CUL9: variants seen among roughly 807,000 people sequenced by gnomAD.
CUL9 encodes the protein cullin-9.
CUL9 carries 79 observed loss-of-function variants against 272.6 expected under a neutral mutation model. The ratio of observed to expected loss-of-function variants is 0.29; its 90% CI spans 0.24 to 0.35. The LOEUF (loss-of-function observed/expected upper bound fraction) is 0.35, where lower values mean the gene tolerates loss of function less well. Among genes scored for constraint, CUL9 ranks in the 10% least tolerant of loss-of-function variants. The pLI is 1.00. For synonymous variants in CUL9, 1,186 were observed against 1,286.5 expected, an observed-to-expected ratio of 0.92 and a Z score of 1.67; for missense variants, 2,532 against 3,255.6, an observed-to-expected ratio of 0.78 and a Z score of 5.41.
Position 43,223,137 on chromosome 6 carries a change from T to C in CUL9, c.7151-127T>C, listed in dbSNP as rs1776508684. On this transcript the variant is annotated intron_variant, in intron 38 of 40. Transcript: ENST00000252050. The surrounding 1 kb of genome is among the most constrained non-coding windows in gnomAD (Gnocchi z 4.1). ...GTTTCTGGTCTTTACCCTGCTCCCC[T>C]AGGGAGCTTCATGAGAATGTCTAGA... 7.5e-7 allele frequency: 1 copy of C among 1,330,640 alleles called. No individual in the cohort carries two copies. The highest frequency in any genetic ancestry group is 1.5e-5 in the African/African-American group (1 of 67,734). The allele number at this position is 1,330,640 out of a possible 1,614,324, so 82.4% of individuals were successfully genotyped here.
intron 16 of CUL9, among the ~76,000 whole-genome samples, chr6:43,202,169 A>T (rs1388457844): frequency 6.6e-6 from 1 of 152,160 alleles, no homozygotes; most frequent in Non-Finnish European, 1.5e-5. Flanking sequence ...TTGAGTACTG[A>T]GTGCACGGAA....
Position 43,186,348 on chromosome 6 carries a change from A to G in CUL9, c.1144A>G (p.Thr382Ala), listed in dbSNP as rs761507783. 2 of 1,614,184 alleles carry G rather than the reference A, an allele frequency of 1.2e-6. No individual in the cohort carries two copies. Among genetic ancestry groups the G allele is most frequent in the Non-Finnish European group, 1.7e-6 (2 of 1,179,986 alleles). ...TGGCTATGGAGAATATGTGCAGCAG[A>G]CACTGCAGCCAGGGATGCGAGTGCG... ...RSGYGEYVQQTLQPGMRVRML... is the reference protein window; with the variant it reads ...RSGYGEYVQQALQPGMRVRML... Residue 382 changes from threonine to alanine, a missense_variant, in exon 4 of 41, where the codon ACA (threonine) becomes GCA (alanine). Around this residue, in one of 3 missense-constraint regions of CUL9, gnomAD observed 2,218 missense variants for 2,788.6 expected, o/e 0.80. Coordinates refer to ENST00000252050, the MANE Select transcript of CUL9 (RefSeq NM_015089.4).
At position 43,196,113 on chromosome 6, in the gene CUL9, T is replaced by G. The variant is rs536254119; in HGVS notation, c.2433T>G (p.Thr811=). Residue 811 remains threonine, a synonymous_variant, in exon 10 of 41, where the codon ACT becomes ACG. Coordinates refer to ENST00000252050, the MANE Select transcript of CUL9 (RefSeq NM_015089.4). ...LAVASSSEIP[T]FVTGRDSIHS... ...TCGCCAGCTCCTCGGAGATCCCCAC[T>G]TTTGTTACTGGCCGAGATTCTATCC... is the stretch of plus-strand genomic sequence containing the variant. 5 of 1,614,092 alleles carry G rather than the reference T, an allele frequency of 3.1e-6. No individual in the cohort carries two copies. The East Asian group carries it at 8.9e-5, about 29-fold the overall frequency.
At chr6:43,211,178 A>T (rs1283368360) in intron 26 of CUL9, among the ~76,000 whole-genome samples, 1 of 152,100 alleles carries the variant, frequency 6.6e-6, no homozygotes, top group Non-Finnish European at 1.5e-5. Flanking sequence ...TTATTCAGGG[A>T]TATTTACATT....
At chr6:43,183,952 T>C (rs1222391385) in intron 1 of CUL9, among the ~76,000 whole-genome samples, 2 of 152,088 alleles carry the variant, frequency 1.3e-5, no homozygotes, top group East Asian at 1.9e-4. Flanking sequence ...GGGGTTTCAC[T>C]ATGTTGACCA....
rs1349250917 is a variant in CUL9, at chr6:43,222,003, A to G, written c.6846+225A>G. ...CAGGACTTCTCATACCGAGGTGGCTACAGAAAGGCTGGGGAGGGCTGGGCA... is the reference window on the plus strand; with the variant it reads ...CAGGACTTCTCATACCGAGGTGGCTGCAGAAAGGCTGGGGAGGGCTGGGCA... On this transcript the variant is annotated intron_variant, in intron 35 of 40. Transcript: ENST00000252050. The G allele has an allele frequency of 5.0e-6, 3 of 595,816 alleles. No individual in the cohort carries two copies. The African/African-American group carries it at 5.6e-5, about 11-fold the overall frequency. The allele number at this position is 595,816 out of a possible 1,614,324, so 36.9% of individuals were successfully genotyped here.
Position 43,223,062 on chromosome 6 carries a change from G to T in CUL9, c.7150+166G>T. On this transcript the variant is annotated intron_variant, in intron 38 of 40. Coordinates refer to ENST00000252050, the MANE Select transcript of CUL9 (RefSeq NM_015089.4). The surrounding 1 kb of genome is among the most constrained non-coding windows in gnomAD (Gnocchi z 4.1). ...CTGGCTGTTAAAGCTCAGGTCGAAA[G>T]CCTACATTGTAAGGTGCCCAAGGGC... 1.1e-6 allele frequency: 1 copy of T among 909,202 alleles called. No homozygotes were observed. Among genetic ancestry groups the T allele is most frequent in the Admixed American group, 2.7e-5 (1 of 37,376 alleles). The allele number at this position is 909,202 out of a possible 1,614,324, so 56.3% of individuals were successfully genotyped here. A position where few individuals can be genotyped will look rare whatever the true frequency, so the allele number is the denominator to read the frequency against.
At chr6:43,204,164 A>G (rs1774861410) in intron 20 of CUL9, 177 bp downstream of exon 20, 2 of 1,049,524 alleles carry the variant, frequency 1.9e-6, no homozygotes, top group East Asian at 5.2e-5. Flanking sequence ...TGGTATTTGA[A>G]TCTTTCCCAC....
chr6:43,221,453 G>T lies in CUL9; in HGVS notation c.6752+132G>T. The stretch of plus-strand genomic sequence containing the variant: ...TTCCTCAGCCGCCCCTCACGTGGCA[G>T]CCTCCACGGTGACTTCCTGGATCTT... On this transcript the variant is annotated intron_variant, in intron 34 of 40. Transcript: ENST00000252050. This position sits in a 1 kb window ranked among gnomAD's most constrained non-coding sequence, Gnocchi z 4.2. 1 of 1,108,640 alleles carries T rather than the reference G, an allele frequency of 9.0e-7. No homozygotes were observed. The allele number at this position is 1,108,640 out of a possible 1,614,324, so 68.7% of individuals were successfully genotyped here.
rs1775048313 is a variant in CUL9 at position 43,206,401 on chromosome 6, A to G, written c.5103A>G (p.Ser1701=). 4 of 1,614,068 alleles carry G rather than the reference A, an allele frequency of 2.5e-6. No homozygotes were observed. In the East Asian group the frequency reaches 8.9e-5, roughly 36 times the overall value. Residue 1701 remains serine, a synonymous_variant, in exon 26 of 41, where the codon TCA becomes TCG. Coordinates refer to ENST00000252050, the MANE Select transcript of CUL9 (RefSeq NM_015089.4). This position sits in a 1 kb window ranked among gnomAD's most constrained non-coding sequence, Gnocchi z 4.8. ...PSPAISILVL[S]PRCWPVSPLC... ...CAGCCATTTCTATACTGGTCCTGTC[A>G]CCACGCTGCTGGCCCGTCTCCCCAC...
intron 8 of CUL9, among the ~76,000 whole-genome samples, chr6:43,191,863 G>A (rs1773546963): frequency 6.6e-6 from 1 of 151,148 alleles, no homozygotes; most frequent in South Asian, 2.1e-4. Context: ...GGGATTACAG[G>A]TGTGTGTCAC....
chr6:43,220,684 G>A lies in CUL9; in HGVS notation c.6424-63G>A, dbSNP rs1208380965. 15 of 1,603,822 alleles carry A rather than the reference G, an allele frequency of 9.4e-6. No individual in the cohort carries two copies. Among genetic ancestry groups the A allele is most frequent in the African/African-American group, 1.3e-5 (1 of 74,728 alleles). The stretch of plus-strand genomic sequence containing the variant: ...GTGGGCTGAGCTATGGGGTGCTGGG[G>A]GCCTGGAGGTGTGGCATCCTGGAGA... On this transcript the variant is annotated intron_variant, in intron 32 of 40. Transcript: ENST00000252050. The surrounding 1 kb of genome is among the most constrained non-coding windows in gnomAD (Gnocchi z 4.9).
chr6:43,221,365 G>A lies in CUL9; in HGVS notation c.6752+44G>A. ...TGGGGAGCCAGAGGGCAAGGAGGGG[G>A]GAGGAGGCCTGGCAGAAGGAGGGGG... On this transcript the variant is annotated intron_variant, in intron 34 of 40. Transcript: ENST00000252050. The surrounding 1 kb of genome is among the most constrained non-coding windows in gnomAD (Gnocchi z 4.2). The A allele has an allele frequency of 3.5e-6, 5 of 1,433,446 alleles. No homozygotes were observed. Among genetic ancestry groups the A allele is most frequent in the Non-Finnish European group, 4.8e-6 (5 of 1,050,644 alleles). 88.8% of individuals were successfully genotyped at this position (1,433,446 alleles called of 1,614,324 possible).
Position 43,212,877 on chromosome 6 carries a change from G to A in CUL9, c.5213-272G>A, listed in dbSNP as rs1347972515. 23 of 392,086 alleles carry A rather than the reference G, an allele frequency of 5.9e-5. No individual in the cohort carries two copies. The East Asian group carries it at 1.1e-3, about 18-fold the overall frequency. 24.3% of individuals were successfully genotyped at this position (392,086 alleles called of 1,614,324 possible). A position where few individuals can be genotyped will look rare whatever the true frequency, so the allele number is the denominator to read the frequency against. On this transcript the variant is annotated intron_variant, in intron 26 of 40. Transcript: ENST00000252050. ...TGAGCTCCTTGAGGGCAAAATGCAA[G>A]TGTTTTCTCTCTGGTGTTTTTGCAT... is the stretch of plus-strand genomic sequence containing the variant.
Position 43,200,982 on chromosome 6 carries a change from G to A in CUL9, c.3647+148G>A. 1.0e-6 allele frequency: 1 copy of A among 994,076 alleles called. No homozygotes were observed. The highest frequency in any genetic ancestry group is 1.5e-6 in the Non-Finnish European group (1 of 666,356). The allele number at this position is 994,076 out of a possible 1,614,324, so 61.6% of individuals were successfully genotyped here. ...AGTGAACACATAGACACATTGACCT[G>A]CCTTTGCTGAGTATAGACATCCCCT... On this transcript the variant is annotated intron_variant, in intron 16 of 40. Transcript: ENST00000252050. This position sits in a 1 kb window ranked among gnomAD's most constrained non-coding sequence, Gnocchi z 4.0.
chr6:43,212,593 A>G (rs551637288), intron 26 of CUL9, among the ~76,000 whole-genome samples: 2 of 152,228 alleles, frequency 1.3e-5, no homozygotes, highest in African/African-American at 2.4e-5. Context: ...TTTTAAAAAT[A>G]TATCATTATG....
At position 43,221,775 on chromosome 6, in the gene CUL9, C is replaced by T; in HGVS notation, c.6843C>T (p.Ala2281=). 5.0e-6 allele frequency: 8 copies of T among 1,611,444 alleles called. No individual in the cohort carries two copies. The highest frequency in any genetic ancestry group is 6.8e-6 in the Non-Finnish European group (8 of 1,179,860). Residue 2281 remains alanine (A), a synonymous_variant, in exon 35 of 41, where the codon GCC becomes GCT. Coordinates refer to ENST00000252050, the MANE Select transcript of CUL9 (RefSeq NM_015089.4). The surrounding 1 kb of genome is among the most constrained non-coding windows in gnomAD (Gnocchi z 4.2). Reference sequence around the variant, plus strand: ...ACAAAGACTATTACAACTGCTCTGCCATGGTAAGGCGCTGGGCACTAGGGG... The same window carrying T: ...ACAAAGACTATTACAACTGCTCTGCTATGGTAAGGCGCTGGGCACTAGGGG... ...PNHKDYYNCS[A]MVSKAARQEK...
intron 9 of CUL9, among the ~76,000 whole-genome samples, chr6:43,195,752 G>A (rs1773938628): frequency 6.6e-6 from 1 of 152,160 alleles, no homozygotes; most frequent in African/African-American, 2.4e-5. Context: ...GATACAGGAG[G>A]GGCGGCTGTC....
Position 43,204,953 on chromosome 6 carries a change from A to G in CUL9, c.4470A>G (p.Ala1490=), listed in dbSNP as rs770409962. The part of the protein sequence containing the change: ...VQEQVSRFLA[A]AWRAPDFVPR... ...CTCAGGTCAGCAGATTCCTGGCTGCAGCTTGGAGGGCCCCAGACTTTGTGC... is the reference window on the plus strand; with the variant it reads ...CTCAGGTCAGCAGATTCCTGGCTGCGGCTTGGAGGGCCCCAGACTTTGTGC... The change falls in exon 23 of 41, where the codon GCA becomes GCG. Residue 1490 remains alanine (A), a synonymous_variant. Coordinates refer to ENST00000252050, the MANE Select transcript of CUL9 (RefSeq NM_015089.4). The G allele has an allele frequency of 1.2e-6, 2 of 1,608,564 alleles. No homozygotes were observed. Among genetic ancestry groups the G allele is most frequent in the South Asian group, 1.1e-5 (1 of 90,636 alleles).
Sources: allele counts gnomAD v4.1 joint callset (sites outside exome capture counted in the v4.1 genomes callset), GRCh38; gene constraint gnomAD v4.1.1; regional missense constraint gnomAD v4.1.1; non-coding constraint Gnocchi (gnomAD v3.1); transcripts MANE v1.5; gene names NCBI Gene and HGNC (gene_info 2026-07-23, HGNC 2026-07-21).